PCDH11X: variants seen among roughly 807,000 people sequenced by gnomAD.
PCDH11X encodes the protein protocadherin 11 X-linked.
In PCDH11X, 18 loss-of-function variants were observed where a neutral mutation model predicts 53.3. The ratio of observed to expected loss-of-function variants is 0.34; its 90% CI spans 0.23 to 0.50. The LOEUF is 0.50. PCDH11X is among the 20% of genes least tolerant of loss of function. The probability of loss-of-function intolerance (pLI) is 0.98; values close to 1 mark genes in which losing one functional copy is unlikely to be tolerated. For missense variants in PCDH11X, 570 were observed against 1,032.4 expected, an observed-to-expected ratio of 0.55 and a Z score of 6.14; for synonymous variants, 279 against 393.3, an observed-to-expected ratio of 0.71 and a Z score of 3.44.
intron 6 of PCDH11X, among the ~76,000 whole-genome samples, chrX:92,103,397 C>A (rs1428594158): frequency 9.0e-6 from 1 of 110,619 alleles, no homozygotes; most frequent in Non-Finnish European, 1.9e-5. Context: ...GAGTGGGTAG[C>A]CTCCGTATTG....
intron 1 of PCDH11X, among the ~76,000 whole-genome samples, chrX:91,799,241 T>C (rs1373950801): frequency 9.0e-6 from 1 of 111,107 alleles, no homozygotes; most frequent in Non-Finnish European, 1.9e-5. Context: ...ATCTTTTTTT[T>C]CACTGACATT....
At chrX:92,473,617 T>C (rs1047612277) in intron 10 of PCDH11X, among the ~76,000 whole-genome samples, 1 of 111,436 alleles carries the variant, frequency 9.0e-6, no homozygotes, top group South Asian at 3.7e-4. Flanking sequence ...CTGCTATTGC[T>C]ATATCCCATA....
At chrX:91,832,199 T>C (rs1409107639) in intron 4 of PCDH11X, among the ~76,000 whole-genome samples, 20 of 104,058 alleles carry the variant, frequency 1.9e-4, no homozygotes, top group Non-Finnish European at 3.7e-4. Context: ...CACATGTATG[T>C]TTATTGTGGC....
intron 10 of PCDH11X, among the ~76,000 whole-genome samples, chrX:92,534,882 T>C (rs1202390587): frequency 2.3e-4 from 26 of 111,733 alleles, no homozygotes; most frequent in Non-Finnish European, 4.7e-4. Context: ...CAGGCCTGCC[T>C]TACAAGAGCT....
At chrX:91,794,850 T>G (rs1935678314) in intron 1 of PCDH11X, among the ~76,000 whole-genome samples, 1 of 110,021 alleles carries the variant, frequency 9.1e-6, no homozygotes, top group African/African-American at 3.3e-5. Context: ...GGGACCTGGT[T>G]GGGGATGATT....
In PCDH11X at chrX:92,388,040, T is replaced by C. The variant is rs2071047922; in HGVS notation, c.3343+107T>C. ...GGCTAATTCATTATGTTATTGTGAA[T>C]AGTGACACATTTTTGAAAGGTAAAC... is the stretch of plus-strand genomic sequence containing the variant. On this transcript the variant is annotated intron_variant, in intron 9 of 10. Coordinates refer to ENST00000682573, the MANE Select transcript of PCDH11X (RefSeq NM_032968.5). 8.0e-6 allele frequency: 9 copies of C among 1,120,542 alleles called. No individual in the cohort carries two copies. In the East Asian group the frequency reaches 2.8e-4, roughly 35 times the overall value. The allele number at this position is 1,120,542 out of a possible 1,213,427, so 92.3% of individuals were successfully genotyped here.
At chrX:92,040,620 A>G (rs891133385) in intron 6 of PCDH11X, among the ~76,000 whole-genome samples, 9 of 111,878 alleles carry the variant, frequency 8.0e-5, no homozygotes, top group African/African-American at 2.9e-4. Flanking sequence ...TTTTGGTGAT[A>G]TGAAGTTAAA....
At chrX:91,999,757 T>C (rs1314527823) in intron 6 of PCDH11X, among the ~76,000 whole-genome samples, 1 of 109,614 alleles carries the variant, frequency 9.1e-6, no homozygotes, top group East Asian at 2.8e-4. Context: ...ACTAATCTCA[T>C]TGCTGGTGTT....
At chrX:92,287,267 C>T (rs1411871696) in intron 8 of PCDH11X, among the ~76,000 whole-genome samples, 1 of 110,945 alleles carries the variant, frequency 9.0e-6, no homozygotes, top group Non-Finnish European at 1.9e-5. Context: ...GTTTGTTGAA[C>T]CTATCAACCT....
chrX:92,504,720 C>A (rs769505815), intron 10 of PCDH11X, among the ~76,000 whole-genome samples: 3 of 112,143 alleles, frequency 2.7e-5, no homozygotes, highest in African/African-American at 9.7e-5. Context: ...GGGAAATCAC[C>A]AAACTGCTTT....
intron 5 of PCDH11X, among the ~76,000 whole-genome samples, chrX:91,865,538 A>G (rs1320185294): frequency 1.8e-5 from 2 of 110,985 alleles, no homozygotes; most frequent in Non-Finnish European, 3.8e-5. Context: ...GTGGCTCTAC[A>G]GTCAGCCAGT....
intron 9 of PCDH11X, among the ~76,000 whole-genome samples, chrX:92,430,815 T>C (rs1015826649): frequency 9.1e-6 from 1 of 109,521 alleles, no homozygotes; most frequent in Non-Finnish European, 1.9e-5. Flanking sequence ...TAAATAAAAA[T>C]AAATCAGGTT....
chrX:92,002,356 C>T (rs1054283559), intron 6 of PCDH11X, among the ~76,000 whole-genome samples: 5 of 107,821 alleles, frequency 4.6e-5, no homozygotes, highest in Admixed American at 1.0e-4. Context: ...TTTGTTCTTT[C>T]GCTTAGAATA....
chrX:91,951,149 A>G (rs1321510296), intron 6 of PCDH11X, among the ~76,000 whole-genome samples: 2 of 111,469 alleles, frequency 1.8e-5, no homozygotes, highest in African/African-American at 6.5e-5. Context: ...GCTGTGTTAA[A>G]TATGAGTGTA....
chrX:92,050,358 T>C (rs1259704086), intron 6 of PCDH11X, among the ~76,000 whole-genome samples: 1 of 105,348 alleles, frequency 9.5e-6, no homozygotes, highest in Non-Finnish European at 1.9e-5. Context: ...TTGGTATGAA[T>C]ATAAAGGATA....
chrX:91,868,318 C>G (rs779878536), intron 5 of PCDH11X, among the ~76,000 whole-genome samples: 179 of 111,958 alleles, frequency 1.6e-3, no homozygotes, highest in Non-Finnish European at 3.1e-3. Context: ...ACTTCTCTCA[C>G]CAAAATTTGC....
intron 6 of PCDH11X, among the ~76,000 whole-genome samples, chrX:92,032,521 A>G (rs1260835735): frequency 6.3e-5 from 7 of 110,928 alleles, no homozygotes; most frequent in Non-Finnish European, 1.1e-4. Flanking sequence ...TGCTATGTTG[A>G]ATAACAATGG....
intron 6 of PCDH11X, among the ~76,000 whole-genome samples, chrX:92,101,820 T>A (rs1228139411): frequency 9.1e-6 from 1 of 110,471 alleles, no homozygotes; most frequent in Non-Finnish European, 1.9e-5. Context: ...GGGGCCTGAA[T>A]AATCCCTGAG....
chrX:92,006,852 C>T (rs933046700), intron 6 of PCDH11X, among the ~76,000 whole-genome samples: 3 of 111,643 alleles, frequency 2.7e-5, no homozygotes, highest in East Asian at 2.8e-4. Flanking sequence ...TTCTTGCAGA[C>T]GCATAGTGGT....
Sources: gnomAD v4.1 joint callset for allele counts (sites outside exome capture counted in the v4.1 genomes callset) on GRCh38, gnomAD v4.1.1 for gene constraint, MANE v1.5 for transcripts, NCBI Gene and HGNC (gene_info 2026-07-23, HGNC 2026-07-21) for gene names.